The following PRKN variants were observed in gnomAD, a reference collection of about 807,000 sequenced individuals.
PRKN encodes the protein E3 ubiquitin-protein ligase parkin.
Under a neutral mutation model 59.5 loss-of-function variants are expected in PRKN, and 56 were observed. The ratio of observed to expected loss-of-function variants is 0.94; its 90% CI spans 0.76 to 1.18. The LOEUF (loss-of-function observed/expected upper bound fraction) is 1.18. PRKN is among the 50% of genes most tolerant of loss of function. The pLI is 0.00. For synonymous variants in PRKN, 250 were observed against 222.1 expected (o/e 1.13, Z -1.12); for missense variants, 657 against 596.4 (o/e 1.10, Z -1.06).
At chr6:162,509,050 A>G (rs1793729126) in intron 1 of PRKN, among the ~76,000 whole-genome samples, 2 of 152,168 alleles carry the variant, frequency 1.3e-5, no homozygotes, top group East Asian at 3.9e-4. Context: ...CCTCAGTGAC[A>G]AGTCATTAAA....
chr6:161,977,443 A>G (rs950233504), intron 5 of PRKN, among the ~76,000 whole-genome samples: 2 of 151,858 alleles, frequency 1.3e-5, no homozygotes, highest in African/African-American at 4.8e-5. Context: ...TCATCTTTTC[A>G]TCCTGAAGGG....
chr6:162,340,520 A>C (rs1784128084), intron 2 of PRKN, among the ~76,000 whole-genome samples: 1 of 152,126 alleles, frequency 6.6e-6, no homozygotes, highest in South Asian at 2.1e-4. Context: ...TCTGTGGTAC[A>C]AAATCACTTG....
chr6:162,563,428 T>C (rs1310023935), intron 1 of PRKN, among the ~76,000 whole-genome samples: 5 of 152,176 alleles, frequency 3.3e-5, no homozygotes, highest in African/African-American at 1.2e-4. Context: ...GCAGCACCTC[T>C]ATGAGTCTGC....
chr6:161,946,804 A>G (rs1283518177), intron 6 of PRKN, among the ~76,000 whole-genome samples: 1 of 152,208 alleles, frequency 6.6e-6, no homozygotes, highest in Admixed American at 6.5e-5. Context: ...GTCTACTAAT[A>G]GAGCAAAGCT....
chr6:161,740,139 G>A (rs1788127979), intron 7 of PRKN, among the ~76,000 whole-genome samples: 1 of 152,170 alleles, frequency 6.6e-6, no homozygotes, highest in Non-Finnish European at 1.5e-5. Context: ...TCTGCCCAAA[G>A]CGACTTGACA....
chr6:162,496,367 A>G (rs1252266905), intron 1 of PRKN, among the ~76,000 whole-genome samples: 1 of 152,234 alleles, frequency 6.6e-6, no homozygotes, highest in Admixed American at 6.5e-5. Flanking sequence ...TTTACATAAT[A>G]GGAGCAGGTA....
intron 6 of PRKN, among the ~76,000 whole-genome samples, chr6:161,943,079 C>A (rs1469503648): frequency 6.6e-6 from 1 of 152,206 alleles, no homozygotes; most frequent in Non-Finnish European, 1.5e-5. Flanking sequence ...TTTAAAGATG[C>A]CTTCTTAAGG....
chr6:162,668,535 G>A (rs1266158513), intron 1 of PRKN, among the ~76,000 whole-genome samples: 1 of 152,270 alleles, frequency 6.6e-6, no homozygotes, highest in South Asian at 2.1e-4. Context: ...GATGAGGACA[G>A]AGGTGCTGGG....
chr6:161,988,660 A>C (rs1465537838), intron 5 of PRKN, among the ~76,000 whole-genome samples: 2 of 152,170 alleles, frequency 1.3e-5, no homozygotes, highest in Admixed American at 6.5e-5. Flanking sequence ...AAAACCTATT[A>C]ATAAAATGGA....
chr6:161,501,444 T>G (rs558155636), intron 9 of PRKN, among the ~76,000 whole-genome samples: 5 of 152,366 alleles, frequency 3.3e-5, no homozygotes, highest in African/African-American at 1.2e-4. Flanking sequence ...TGTTCAGCTC[T>G]TTTGCCCATT....
chr6:162,464,659 C>CAAAA (rs1164797005), intron 1 of PRKN, among the ~76,000 whole-genome samples: 7 of 79,916 alleles, frequency 8.8e-5, no homozygotes, highest in African/African-American at 1.7e-4. Flanking sequence ...ACTAAAAATA[C>CAAAA]AAAAAAAAAA....
At chr6:162,091,546 C>T (rs1050655351) in intron 4 of PRKN, among the ~76,000 whole-genome samples, 1 of 152,170 alleles carries the variant, frequency 6.6e-6, no homozygotes, top group Non-Finnish European at 1.5e-5. Context: ...GCAATTCTTA[C>T]TGAACTATTT....
chr6:161,943,559 C>T (rs932810265), intron 6 of PRKN, among the ~76,000 whole-genome samples: 1 of 152,194 alleles, frequency 6.6e-6, no homozygotes, highest in South Asian at 2.1e-4. Context: ...ATGTGGAAAT[C>T]CTGAAATAAA....
intron 7 of PRKN, among the ~76,000 whole-genome samples, chr6:161,604,178 T>C (rs1292579345): frequency 2.0e-5 from 3 of 149,100 alleles, no homozygotes; most frequent in Non-Finnish European, 2.9e-5. Flanking sequence ...TACGTTAATA[T>C]AGAGATCAAT....
intron 1 of PRKN, among the ~76,000 whole-genome samples, chr6:162,665,438 T>A (rs1425045663): frequency 6.6e-6 from 1 of 151,812 alleles, no homozygotes; most frequent in Non-Finnish European, 1.5e-5. Flanking sequence ...TCACAATGGC[T>A]ACAAAGAGAA....
At chr6:162,493,037 G>C (rs1417629907) in intron 1 of PRKN, among the ~76,000 whole-genome samples, 6 of 151,720 alleles carry the variant, frequency 4.0e-5, no homozygotes, top group Admixed American at 1.3e-4. Context: ...ACACCCAAGG[G>C]AGGAGGATGG....
rs564358706 is a variant in PRKN at position 162,010,262 on chromosome 6, T to A, written c.619-36845A>T. Reference sequence around the variant, plus strand: ...TATATTTATTATACATAATATATATTTTATATATATTATGTATGATAAATA... The same window carrying A: ...TATATTTATTATACATAATATATATATTATATATATTATGTATGATAAATA... On this transcript the variant is annotated intron_variant, in intron 5 of 11. Coordinates refer to ENST00000366898, the MANE Select transcript of PRKN (RefSeq NM_004562.3). Among the ~76,000 whole-genome samples the A allele has an allele frequency of 2.2e-3, 283 of 131,532 alleles. 8 individuals carry two copies. The highest frequency in any genetic ancestry group is 7.7e-3 in the African/African-American group (270 of 34,886). The allele number at this position is 131,532 out of a possible 152,430, so 86.3% of individuals were successfully genotyped here. A position where few individuals can be genotyped will look rare whatever the true frequency, so the allele number is the denominator to read the frequency against.
intron 7 of PRKN, among the ~76,000 whole-genome samples, chr6:161,784,752 T>A (rs1562682130): frequency 6.6e-6 from 1 of 152,162 alleles, no homozygotes; most frequent in Non-Finnish European, 1.5e-5. Flanking sequence ...ATTCTGCTTC[T>A]CGGTATATAT....
intron 1 of PRKN, among the ~76,000 whole-genome samples, chr6:162,702,580 C>G (rs954697793): frequency 1.3e-5 from 2 of 152,102 alleles, no homozygotes; most frequent in Admixed American, 6.6e-5. Flanking sequence ...TCAAGGTTGC[C>G]TAATCATATT....
Sources: allele counts gnomAD v4.1 joint callset (sites outside exome capture counted in the v4.1 genomes callset), GRCh38; gene constraint gnomAD v4.1.1; transcripts MANE v1.5; gene names NCBI Gene and HGNC (gene_info 2026-07-23, HGNC 2026-07-21).